SOX6: variants seen among roughly 807,000 people sequenced by gnomAD.
SOX6 encodes the protein SRY-box transcription factor 6.
SOX6 carries 11 observed loss-of-function variants against 97.8 expected under a neutral mutation model. The ratio of observed to expected loss-of-function variants is 0.11; its 90% CI spans 0.07 to 0.19. The LOEUF (loss-of-function observed/expected upper bound fraction) is 0.19, where lower values mean the gene tolerates loss of function less well. SOX6 is among the 10% of genes least tolerant of loss of function. SOX6 has a pLI of 1.00. For synonymous variants in SOX6, 360 were observed against 371.4 expected, an observed-to-expected ratio of 0.97 and a Z score of 0.35; for missense variants, 810 against 1,039.5, an observed-to-expected ratio of 0.78 and a Z score of 3.04.
intron 2 of SOX6, among the ~76,000 whole-genome samples, chr11:16,321,158 G>T (rs192647883): frequency 1.3e-5 from 2 of 150,838 alleles, no homozygotes; most frequent in Non-Finnish European, 2.9e-5. Context: ...AATAAAGTCC[G>T]TATTAGACAT....
chr11:16,145,542 GA>G (rs1434918677), intron 6 of SOX6, among the ~76,000 whole-genome samples: 1 of 152,190 alleles, frequency 6.6e-6, no homozygotes, highest in Non-Finnish European at 1.5e-5. Context: ...ATTCAATTAG[GA>G]AAAGAGGAAG....
intron 3 of SOX6, among the ~76,000 whole-genome samples, chr11:16,245,398 C>T (rs1853308038): frequency 6.6e-6 from 1 of 151,462 alleles, no homozygotes; most frequent in South Asian, 2.1e-4. Context: ...TAATAATTAT[C>T]CAGATGTTTT....
At chr11:16,010,345 G>C (rs1262013282) in intron 13 of SOX6, among the ~76,000 whole-genome samples, 1 of 151,984 alleles carries the variant, frequency 6.6e-6, no homozygotes, top group Non-Finnish European at 1.5e-5. Flanking sequence ...AATGCATGGA[G>C]GACAGCACAT....
chr11:16,597,964 T>C (rs1848229379), intron 4 of SOX6, among the ~76,000 whole-genome samples: 1 of 152,050 alleles, frequency 6.6e-6, no homozygotes. Context: ...TTGCTATTTC[T>C]ATTTTACATA....
At chr11:16,237,716 A>G (rs1853067505) in intron 3 of SOX6, among the ~76,000 whole-genome samples, 1 of 152,060 alleles carries the variant, frequency 6.6e-6, no homozygotes, top group Non-Finnish European at 1.5e-5. Context: ...ACACTCTTGG[A>G]TTATTTTATA....
chr11:16,473,584 C>G (rs1233961231), intron 1 of SOX6, among the ~76,000 whole-genome samples: 4 of 142,556 alleles, frequency 2.8e-5, no homozygotes, highest in Non-Finnish European at 6.0e-5. Context: ...TGGAATCTTG[C>G]TCTGTCGCCC....
intron 4 of SOX6, among the ~76,000 whole-genome samples, chr11:16,513,997 G>C (rs10832628): frequency 0.25 from 37,373 of 151,708 alleles, 5,096 homozygotes; most frequent in East Asian, 0.48. Context: ...AATTGCTTGA[G>C]CACAGGAGTT....
At chr11:16,594,904 GA>G (rs1249240578) in intron 4 of SOX6, among the ~76,000 whole-genome samples, 2 of 151,852 alleles carry the variant, frequency 1.3e-5, no homozygotes, top group Admixed American at 1.3e-4. Flanking sequence ...TGTTAGCCAG[GA>G]TGGTCTCAAT....
chr11:16,227,114 T>C lies in SOX6; in HGVS notation c.535+7468A>G, dbSNP rs532036816. On this transcript the variant is annotated intron_variant, in intron 4 of 15. Coordinates refer to ENST00000683767, the MANE Select transcript of SOX6 (RefSeq NM_001367873.1). The stretch of plus-strand genomic sequence containing the variant: ...TAATATTTTCCACACTGGATTGTTA[T>C]ATGTCTCAAATAAAATAATGTTAGA... 1.2e-4 allele frequency among the ~76,000 whole-genome samples: 19 copies of C among 152,330 alleles called. No homozygotes were observed. The South Asian group carries it at 3.7e-3, about 30-fold the overall frequency.
chr11:16,685,257 A>G (rs766072495), intron 3 of SOX6, among the ~76,000 whole-genome samples: 1 of 152,334 alleles, frequency 6.6e-6, no homozygotes, highest in Non-Finnish European at 1.5e-5. Context: ...TTAGTCCCCC[A>G]AAGTCTTAAC....
intron 3 of SOX6, among the ~76,000 whole-genome samples, chr11:16,298,648 T>A: frequency 6.6e-6 from 1 of 152,148 alleles, no homozygotes; most frequent in Non-Finnish European, 1.5e-5. Flanking sequence ...GATGTTATTC[T>A]AAAACAGTCC....
At chr11:16,425,741 G>A (rs1859114982) in intron 1 of SOX6, among the ~76,000 whole-genome samples, 1 of 151,960 alleles carries the variant, frequency 6.6e-6, no homozygotes, top group Non-Finnish European at 1.5e-5. Flanking sequence ...CAATAGAACA[G>A]GAAAACAGCT....
chr11:16,628,422 G>A (rs1848655704), intron 3 of SOX6, among the ~76,000 whole-genome samples: 1 of 152,142 alleles, frequency 6.6e-6, no homozygotes, highest in Admixed American at 6.5e-5. Context: ...TCAGGAGGTG[G>A]AGACCAGCCT....
chr11:16,624,764 G>T (rs768302941), intron 3 of SOX6, among the ~76,000 whole-genome samples: 3 of 152,116 alleles, frequency 2.0e-5, no homozygotes, highest in Non-Finnish European at 4.4e-5. Flanking sequence ...AATTTCAATT[G>T]CCTCGCATTT....
At chr11:16,159,601 C>G (rs1203181246) in intron 6 of SOX6, among the ~76,000 whole-genome samples, 2 of 151,996 alleles carry the variant, frequency 1.3e-5, no homozygotes, top group Non-Finnish European at 2.9e-5. Flanking sequence ...AAAATATATA[C>G]CTACAGATTT....
At chr11:16,409,746 A>G (rs1858760641) in intron 1 of SOX6, among the ~76,000 whole-genome samples, 1 of 152,172 alleles carries the variant, frequency 6.6e-6, no homozygotes, top group African/African-American at 2.4e-5. Flanking sequence ...GATAGAAGAC[A>G]AAACCTACCA....
At chr11:16,463,790 A>G (rs771066025) in intron 1 of SOX6, among the ~76,000 whole-genome samples, 2 of 152,192 alleles carry the variant, frequency 1.3e-5, no homozygotes, top group African/African-American at 2.4e-5. Context: ...CTTATATATA[A>G]TCATAACTTC....
intron 5 of SOX6, among the ~76,000 whole-genome samples, chr11:16,185,762 A>G (rs548978761): frequency 1.3e-5 from 2 of 152,290 alleles, no homozygotes; most frequent in South Asian, 4.1e-4. Context: ...TGGCTAAATG[A>G]CATTCTAACT....
intron 1 of SOX6, among the ~76,000 whole-genome samples, chr11:16,395,330 G>A (rs1410428532): frequency 6.6e-6 from 1 of 151,826 alleles, no homozygotes; most frequent in African/African-American, 2.4e-5. Context: ...GATCCTTGCA[G>A]GGAGACAAGG....
Sources: allele counts gnomAD v4.1 joint callset (sites outside exome capture counted in the v4.1 genomes callset), GRCh38; gene constraint gnomAD v4.1.1; transcripts MANE v1.5; gene names NCBI Gene and HGNC (gene_info 2026-07-23, HGNC 2026-07-21).